Variants in ZBBX observed in about 807,000 individuals in gnomAD.
ZBBX encodes zinc finger B-box domain containing.
Under a neutral mutation model 108.5 loss-of-function variants are expected in ZBBX, and 101 were observed. The ratio of observed to expected loss-of-function variants is 0.93; its 90% CI spans 0.79 to 1.10. The LOEUF (loss-of-function observed/expected upper bound fraction) is 1.10, where lower values mean the gene tolerates loss of function less well. Ranked by LOEUF, ZBBX falls within the 50% of genes least tolerant of loss-of-function variation. The probability of loss-of-function intolerance (pLI) is 0.00; values close to 1 mark genes in which losing one functional copy is unlikely to be tolerated. For synonymous variants in ZBBX, 356 were observed against 323.4 expected, an observed-to-expected ratio of 1.10 and a Z score of -1.08; for missense variants, 1,009 against 941.4, an observed-to-expected ratio of 1.07 and a Z score of -0.94.
chr3:167,272,938 T>G (rs561012318), intron 20 of ZBBX, among the ~76,000 whole-genome samples: 1 of 152,294 alleles, frequency 6.6e-6, no homozygotes, highest in Admixed American at 6.5e-5. Flanking sequence ...CAGTTGCCAG[T>G]GTAACCAATG....
chr3:167,292,508 C>T (rs918742087), intron 18 of ZBBX, among the ~76,000 whole-genome samples: 7 of 152,066 alleles, frequency 4.6e-5, no homozygotes, highest in African/African-American at 1.7e-4. Flanking sequence ...CCAATGAGAA[C>T]AAAGACATAA....
chr3:167,293,418 A>T (rs1160333322), intron 18 of ZBBX, among the ~76,000 whole-genome samples: 1 of 152,250 alleles, frequency 6.6e-6, no homozygotes, highest in African/African-American at 2.4e-5. Flanking sequence ...GTAATCCATC[A>T]CATAAACAGA....
intron 18 of ZBBX, among the ~76,000 whole-genome samples, chr3:167,292,102 A>C (rs189247091): frequency 6.6e-5 from 10 of 152,164 alleles, no homozygotes; most frequent in African/African-American, 2.4e-4. Flanking sequence ...ATACAATAAT[A>C]GTGGGAGACT....
intron 8 of ZBBX, among the ~76,000 whole-genome samples, chr3:167,352,130 GA>G (rs1410025483): frequency 2.0e-5 from 3 of 151,826 alleles, no homozygotes; most frequent in Non-Finnish European, 4.4e-5. Context: ...CAGAAAAAGA[GA>G]AATAACAAAG....
intron 20 of ZBBX, among the ~76,000 whole-genome samples, chr3:167,255,109 A>C (rs1393160881): frequency 1.3e-5 from 2 of 152,174 alleles, no homozygotes; most frequent in African/African-American, 4.8e-5. Flanking sequence ...TCAGGTAATA[A>C]AACTTCTATA....
chr3:167,340,451 C>G (rs1165842639), intron 9 of ZBBX, among the ~76,000 whole-genome samples: 2 of 151,930 alleles, frequency 1.3e-5, no homozygotes, highest in South Asian at 4.1e-4. Context: ...ACATCTTAAT[C>G]CATTAAACAA....
chr3:167,385,817 T>C (rs1307334536), intron 1 of ZBBX, among the ~76,000 whole-genome samples: 1 of 152,082 alleles, frequency 6.6e-6, no homozygotes, highest in Non-Finnish European at 1.5e-5. Context: ...CACCATTGTA[T>C]ATGTCATCCC....
intron 13 of ZBBX, 72 bp from the exon 14 acceptor site, chr3:167,317,177 G>A: frequency 3.8e-6 from 4 of 1,049,042 alleles, no homozygotes; most frequent in Admixed American, 2.3e-5. Context: ...AAATAAGATA[G>A]CCACCAAAAA....
intron 2 of ZBBX, among the ~76,000 whole-genome samples, chr3:167,377,358 A>G (rs999830414): frequency 6.6e-6 from 1 of 152,326 alleles, no homozygotes; most frequent in African/African-American, 2.4e-5. Context: ...CACTGTTTAC[A>G]AGATGGGCCA....
At chr3:167,270,511 T>C (rs1726330354) in intron 20 of ZBBX, among the ~76,000 whole-genome samples, 1 of 152,200 alleles carries the variant, frequency 6.6e-6, no homozygotes, top group Non-Finnish European at 1.5e-5. Flanking sequence ...CCCTTTCACC[T>C]TTTTGTCAGT....
the ZBBX span, among the ~76,000 whole-genome samples, chr3:167,189,670 A>G: frequency 6.6e-6 from 1 of 152,180 alleles, no homozygotes; most frequent in Non-Finnish European, 1.5e-5. Context: ...TTCACAGCAA[A>G]ATTTAGAGGA....
chr3:167,188,597 C>G, the ZBBX span, among the ~76,000 whole-genome samples: 17 of 152,176 alleles, frequency 1.1e-4, no homozygotes, highest in Admixed American at 9.2e-4. Flanking sequence ...GTGAGACACA[C>G]ATCTAATATT....
At chr3:167,207,439 G>C in the ZBBX span, among the ~76,000 whole-genome samples, 1 of 152,138 alleles carries the variant, frequency 6.6e-6, no homozygotes, top group Admixed American at 6.6e-5. Context: ...TAGTGATTCA[G>C]ACTGAAATCC....
chr3:167,277,152 A>G (rs1360170040), intron 20 of ZBBX, among the ~76,000 whole-genome samples: 1 of 152,150 alleles, frequency 6.6e-6, no homozygotes, highest in Non-Finnish European at 1.5e-5. Flanking sequence ...GCTAAAATGT[A>G]AAGACCATCG....
At chr3:167,206,645 T>A in the ZBBX span, among the ~76,000 whole-genome samples, 1 of 151,972 alleles carries the variant, frequency 6.6e-6, no homozygotes, top group East Asian at 1.9e-4. Flanking sequence ...CAAAAAAAAA[T>A]CTAAAATTTG....
At chr3:167,397,409 G>A (rs568915583) in intron 1 of ZBBX, among the ~76,000 whole-genome samples, 1 of 151,620 alleles carries the variant, frequency 6.6e-6, no homozygotes, top group South Asian at 2.1e-4. Flanking sequence ...TCCAACATAT[G>A]CACATGCACA....
intron 20 of ZBBX, among the ~76,000 whole-genome samples, chr3:167,275,221 A>G (rs1359530913): frequency 1.3e-5 from 2 of 152,012 alleles, no homozygotes; most frequent in African/African-American, 4.8e-5. Flanking sequence ...ATATTCTTCT[A>G]TGTTTACTTA....
rs200766676 is a variant in ZBBX, at chr3:167,293,783, AT to A, written c.1879+4521del. Among the ~76,000 whole-genome samples the A allele has an allele frequency of 8.5e-3, 1,288 of 152,316 alleles. 12 individuals carry two copies. Among genetic ancestry groups the A allele is most frequent in the African/African-American group, 0.029 (1,207 of 41,570 alleles). ...CTCTGTTTGCAGATGACATGATTGT[AT>A]ATTTAGAAAACCCCATTGTCTCAGC... is the stretch of plus-strand genomic sequence containing the variant. On this transcript the variant is annotated intron_variant, in intron 18 of 21. Coordinates refer to ENST00000675490, the MANE Select transcript of ZBBX (RefSeq NM_001199201.2).
At chr3:167,231,588 G>C in the ZBBX span, among the ~76,000 whole-genome samples, 2 of 151,744 alleles carry the variant, frequency 1.3e-5, no homozygotes, top group Non-Finnish European at 3.0e-5. Flanking sequence ...TTTCTTTTGA[G>C]AAATTTTACT....
Sources: gnomAD v4.1 joint callset for allele counts (sites outside exome capture counted in the v4.1 genomes callset) on GRCh38, gnomAD v4.1.1 for gene constraint, MANE v1.5 for transcripts, NCBI Gene and HGNC (gene_info 2026-07-23, HGNC 2026-07-21) for gene names.